The following RGS7BP variants were observed in gnomAD, a reference collection of about 807,000 sequenced individuals.
RGS7BP encodes the protein regulator of G protein signaling 7-binding protein.
Under a neutral mutation model 31.3 loss-of-function variants are expected in RGS7BP, and 9 were observed. The ratio of observed to expected loss-of-function variants is 0.29; its 90% CI spans 0.17 to 0.50. The LOEUF (loss-of-function observed/expected upper bound fraction) is 0.50, where lower values mean the gene tolerates loss of function less well. Among genes scored for constraint, RGS7BP ranks in the 20% least tolerant of loss-of-function variants. The probability of loss-of-function intolerance (pLI) is 0.98; values close to 1 mark genes in which losing one functional copy is unlikely to be tolerated. For missense variants in RGS7BP, 274 were observed against 322.0 expected, an observed-to-expected ratio of 0.85 and a Z score of 1.14; for synonymous variants, 115 against 120.1, an observed-to-expected ratio of 0.96 and a Z score of 0.28.
chr5:64,524,709 T>C (rs1749188762), intron 2 of RGS7BP, among the ~76,000 whole-genome samples: 1 of 152,122 alleles, frequency 6.6e-6, no homozygotes, highest in African/African-American at 2.4e-5. Context: ...CCCAAAGAGA[T>C]AGTGCACATG....
rs1480993055 is a variant in RGS7BP at position 64,535,964 on chromosome 5, C to T, written c.332+28087C>T. ...GTCTGGGGTGTCTATGTAGACAAGC[C>T]CTTGGGGGTACAATTGTGATGGAAA... On this transcript the variant is annotated intron_variant, in intron 2 of 5. Coordinates refer to ENST00000334025, the MANE Select transcript of RGS7BP (RefSeq NM_001029875.3). 3.9e-5 allele frequency among the ~76,000 whole-genome samples: 6 copies of T among 152,044 alleles called. 1 individual carries two copies.
chr5:64,547,216 A>T (rs1053112500), intron 2 of RGS7BP, among the ~76,000 whole-genome samples: 2 of 152,206 alleles, frequency 1.3e-5, no homozygotes, highest in African/African-American at 4.8e-5. Context: ...ATATCTTCTG[A>T]TGGACAAAGA....
intron 2 of RGS7BP, among the ~76,000 whole-genome samples, chr5:64,558,714 T>C (rs1343795585): frequency 6.6e-6 from 1 of 152,124 alleles, no homozygotes; most frequent in East Asian, 1.9e-4. Context: ...CCCTTATTAC[T>C]GAAAATGGGT....
At chr5:64,569,063 T>C (rs942086845) in intron 2 of RGS7BP, among the ~76,000 whole-genome samples, 5 of 152,136 alleles carry the variant, frequency 3.3e-5, no homozygotes, top group African/African-American at 7.2e-5. Flanking sequence ...AAAAGAAAAT[T>C]CCATTGCACT....
chr5:64,528,946 C>A (rs1749303592), intron 2 of RGS7BP, among the ~76,000 whole-genome samples: 1 of 151,022 alleles, frequency 6.6e-6, no homozygotes, highest in South Asian at 2.1e-4. Context: ...AAGAAGTATT[C>A]AATACAGGCC....
intron 2 of RGS7BP, among the ~76,000 whole-genome samples, chr5:64,520,068 C>T (rs926470042): frequency 1.3e-5 from 2 of 152,132 alleles, no homozygotes; most frequent in African/African-American, 4.8e-5. Context: ...TTCTAGAGAA[C>T]CCAAAATGTT....
chr5:64,549,507 G>C (rs1741739006), intron 2 of RGS7BP, among the ~76,000 whole-genome samples: 1 of 152,240 alleles, frequency 6.6e-6, no homozygotes. Context: ...TGATACTGAG[G>C]CAGTGGCCTT....
intron 2 of RGS7BP, among the ~76,000 whole-genome samples, chr5:64,516,165 T>C (rs190066431): frequency 5.3e-5 from 8 of 152,268 alleles, no homozygotes; most frequent in African/African-American, 1.7e-4. Context: ...AAAAGTCAAT[T>C]TAACATTTGC....
intron 2 of RGS7BP, among the ~76,000 whole-genome samples, chr5:64,548,626 C>A (rs1219949514): frequency 6.6e-6 from 1 of 152,096 alleles, no homozygotes; most frequent in Non-Finnish European, 1.5e-5. Context: ...TCTGCCTCAG[C>A]CTCCTGAGCA....
intron 3 of RGS7BP, among the ~76,000 whole-genome samples, chr5:64,590,102 T>TA (rs1385994054): frequency 6.6e-6 from 1 of 151,480 alleles, no homozygotes; most frequent in Non-Finnish European, 1.5e-5. Context: ...TAATCAAAGT[T>TA]AAAAAAAATT....
At chr5:64,558,625 T>C (rs1308089750) in intron 2 of RGS7BP, among the ~76,000 whole-genome samples, 1 of 152,056 alleles carries the variant, frequency 6.6e-6, no homozygotes, top group East Asian at 1.9e-4. Flanking sequence ...AAGAACAGAA[T>C]AATAGCAATG....
chr5:64,609,582 A>G lies in RGS7BP; in HGVS notation c.*330A>G. ...TAAAGGTTTTTTAAATGTATTATAC[A>G]GAGGAAAAATATTTCACATATAATA... On this transcript the variant is annotated 3_prime_UTR_variant, in exon 6 of 6. Coordinates refer to ENST00000334025, the MANE Select transcript of RGS7BP (RefSeq NM_001029875.3). 1 of 220,686 alleles carries G rather than the reference A, an allele frequency of 4.5e-6. No homozygotes were observed. 13.7% of individuals were successfully genotyped at this position (220,686 alleles called of 1,614,324 possible).
At chr5:64,583,911 T>C (rs1242102965) in intron 3 of RGS7BP, among the ~76,000 whole-genome samples, 2 of 152,204 alleles carry the variant, frequency 1.3e-5, no homozygotes, top group Non-Finnish European at 2.9e-5. Flanking sequence ...GCAATGACAA[T>C]AGCTTCCACT....
intron 2 of RGS7BP, among the ~76,000 whole-genome samples, chr5:64,518,143 C>T (rs1749020967): frequency 6.6e-6 from 1 of 152,094 alleles, no homozygotes; most frequent in African/African-American, 2.4e-5. Context: ...CAATGTTATA[C>T]ATAGTACTTA....
intron 2 of RGS7BP, among the ~76,000 whole-genome samples, chr5:64,542,266 C>T (rs74730802): frequency 0.013 from 1,962 of 152,314 alleles, 45 homozygotes; most frequent in African/African-American, 0.044. Context: ...CTGAGTCTAC[C>T]AGATGCAGCT....
chr5:64,593,201 T>G (rs1742967868), intron 3 of RGS7BP, among the ~76,000 whole-genome samples: 1 of 152,204 alleles, frequency 6.6e-6, no homozygotes, highest in South Asian at 2.1e-4. Context: ...CACTATAGGT[T>G]CCACTATAGG....
intron 2 of RGS7BP, among the ~76,000 whole-genome samples, chr5:64,519,715 A>T (rs964462859): frequency 9.2e-5 from 14 of 152,234 alleles, no homozygotes; most frequent in Non-Finnish European, 1.9e-4. Context: ...TTGCACATAT[A>T]ATTCATGTTT....
chr5:64,540,995 G>A (rs1450570312), intron 2 of RGS7BP, among the ~76,000 whole-genome samples: 2 of 152,292 alleles, frequency 1.3e-5, no homozygotes, highest in East Asian at 3.9e-4. Context: ...GAACGCTTTG[G>A]TGGGTGTGTT....
intron 2 of RGS7BP, among the ~76,000 whole-genome samples, chr5:64,548,948 T>C (rs1741725724): frequency 6.6e-6 from 1 of 151,910 alleles, no homozygotes; most frequent in Non-Finnish European, 1.5e-5. Context: ...CATATAAATT[T>C]GTCGGGGGAC....
Sources: gnomAD v4.1 joint callset for allele counts (sites outside exome capture counted in the v4.1 genomes callset) on GRCh38, gnomAD v4.1.1 for gene constraint, MANE v1.5 for transcripts, NCBI Gene and HGNC (gene_info 2026-07-23, HGNC 2026-07-21) for gene names.